ITGA9: variants seen among roughly 807,000 people sequenced by gnomAD.
The protein encoded by ITGA9 is integrin subunit alpha 9.
In ITGA9, 56 loss-of-function variants were observed where a neutral mutation model predicts 127.8. The observed-to-expected ratio is 0.44, with a 90% confidence interval of 0.35 to 0.55. The LOEUF (loss-of-function observed/expected upper bound fraction) is 0.55. Among genes scored for constraint, ITGA9 ranks in the 20% least tolerant of loss-of-function variants. The pLI is 0.00. For missense variants in ITGA9, 1,196 were observed against 1,347.1 expected (o/e 0.89, Z 1.76); for synonymous variants, 508 against 514.5 (o/e 0.99, Z 0.17).
At chr3:37,624,436 C>T (rs181190225) in intron 15 of ITGA9, among the ~76,000 whole-genome samples, 3 of 151,850 alleles carry the variant, frequency 2.0e-5, no homozygotes, top group Admixed American at 6.6e-5. Context: ...GGTGCAAGCC[C>T]TTACTCTCTT....
intron 15 of ITGA9, among the ~76,000 whole-genome samples, chr3:37,546,767 G>A (rs542714666): frequency 6.6e-6 from 1 of 152,300 alleles, no homozygotes; most frequent in East Asian, 1.9e-4. Context: ...ACTGACTGCT[G>A]GGAAGTGATG....
chr3:37,500,152 C>T (rs1175950396), intron 5 of ITGA9, among the ~76,000 whole-genome samples: 1 of 152,220 alleles, frequency 6.6e-6, no homozygotes, highest in Non-Finnish European at 1.5e-5. Context: ...AGTCTCTCCT[C>T]TGATGAACTT....
rs1425515813 is a variant in ITGA9 at position 37,593,277 on chromosome 3, G to A, written c.1690-35910G>A. On this transcript the variant is annotated intron_variant, in intron 15 of 27. Transcript: ENST00000264741. ...CAACAATGTCAATGCTATGTAAATA[G>A]TTGTTATACTGTATTTTGGGTTTTT... Among the ~76,000 whole-genome samples the A allele has an allele frequency of 2.0e-5, 3 of 152,168 alleles. 1 individual carries two copies. The highest frequency in any genetic ancestry group is 4.4e-5 in the Non-Finnish European group (3 of 68,040).
chr3:37,551,090 G>A (rs1460913783), intron 15 of ITGA9, among the ~76,000 whole-genome samples: 1 of 151,964 alleles, frequency 6.6e-6, no homozygotes, highest in Non-Finnish European at 1.5e-5. Flanking sequence ...AAGTAAATTT[G>A]TGGGGTCAGT....
chr3:37,637,572 T>C (rs1291231369), intron 16 of ITGA9, among the ~76,000 whole-genome samples: 1 of 152,214 alleles, frequency 6.6e-6, no homozygotes, highest in African/African-American at 2.4e-5. Context: ...AATCATGTCA[T>C]CTGCAAAGAG....
chr3:37,475,090 A>C (rs758141437), intron 3 of ITGA9, among the ~76,000 whole-genome samples: 4 of 152,070 alleles, frequency 2.6e-5, no homozygotes, highest in Non-Finnish European at 4.4e-5. Context: ...TCCTTTCATC[A>C]CTGTCATGGC....
intron 5 of ITGA9, 34 bp from the exon 6 acceptor site, chr3:37,503,144 C>T (rs1382437656): frequency 3.1e-6 from 5 of 1,612,754 alleles, no homozygotes; most frequent in Admixed American, 3.3e-5. Flanking sequence ...TCCTCACTTC[C>T]TTCTCTGCTT....
intron 15 of ITGA9, among the ~76,000 whole-genome samples, chr3:37,617,724 C>T (rs1700088692): frequency 6.6e-6 from 1 of 152,200 alleles, no homozygotes; most frequent in African/African-American, 2.4e-5. Flanking sequence ...GATCTTCCTT[C>T]ACTGATATCC....
chr3:37,809,852 G>A (rs1697345649), intron 27 of ITGA9, among the ~76,000 whole-genome samples: 1 of 152,140 alleles, frequency 6.6e-6, no homozygotes, highest in South Asian at 2.1e-4. Context: ...CTGACAGTAC[G>A]GTGCAGTAAC....
intron 15 of ITGA9, among the ~76,000 whole-genome samples, chr3:37,604,677 A>G (rs1699951203): frequency 6.6e-6 from 1 of 152,082 alleles, no homozygotes; most frequent in African/African-American, 2.4e-5. Flanking sequence ...TTCTTTACTC[A>G]CTGTCGAACA....
At chr3:37,536,115 G>T (rs1699205268) in intron 14 of ITGA9, among the ~76,000 whole-genome samples, 1 of 152,158 alleles carries the variant, frequency 6.6e-6, no homozygotes, top group African/African-American at 2.4e-5. Context: ...GGAAAGATGG[G>T]CACTTCCAGG....
intron 1 of ITGA9, 133 bp from the exon 2 acceptor site, chr3:37,470,874 C>A: frequency 1.1e-6 from 1 of 893,808 alleles, no homozygotes; most frequent in Non-Finnish European, 1.8e-6. Flanking sequence ...CAAGCCCACA[C>A]AGAAAAGTAT....
intron 26 of ITGA9, among the ~76,000 whole-genome samples, chr3:37,797,870 A>C (rs1176459599): frequency 3.3e-5 from 5 of 150,970 alleles, no homozygotes; most frequent in Non-Finnish European, 7.4e-5. Flanking sequence ...ATTTTTGTAG[A>C]GACGGGGTTT....
At chr3:37,800,159 C>T (rs1050186509) in intron 26 of ITGA9, among the ~76,000 whole-genome samples, 1 of 152,194 alleles carries the variant, frequency 6.6e-6, no homozygotes, top group Non-Finnish European at 1.5e-5. Context: ...GCTACTTTAA[C>T]CTCTGTGTCC....
chr3:37,512,116 CCTTCTTTCTTTTCTTTTCTTTTCT>C (rs1698928221), intron 8 of ITGA9, among the ~76,000 whole-genome samples: 5 of 66,324 alleles, frequency 7.5e-5, no homozygotes, highest in Non-Finnish European at 1.2e-4. Flanking sequence ...TTCCTTCCTT[CCTTCTTTCTTTTCTTTTCTTTTCT>C]TTTCTTTTCT....
intron 8 of ITGA9, among the ~76,000 whole-genome samples, chr3:37,512,004 TTTTCTTTTCTTTTCTTTTCTTTTC>T (rs1322630068): frequency 9.3e-4 from 39 of 41,864 alleles, no homozygotes; most frequent in African/African-American, 1.7e-3. Context: ...TTTTCTTTTC[TTTTCTTTTCTTTTCTTTTCTTTTC>T]TTTCTTTCTT....
intron 6 of ITGA9, among the ~76,000 whole-genome samples, chr3:37,505,199 G>C (rs1034519018): frequency 6.6e-5 from 10 of 152,300 alleles, no homozygotes; most frequent in Admixed American, 1.3e-4. Flanking sequence ...GAGTCTTGCT[G>C]TGTGATCTTT....
intron 1 of ITGA9, among the ~76,000 whole-genome samples, chr3:37,467,721 TG>T (rs1171863807): frequency 6.6e-6 from 1 of 152,146 alleles, no homozygotes; most frequent in Non-Finnish European, 1.5e-5. Context: ...AATTTGGAGT[TG>T]GTGGGAATTT....
intron 17 of ITGA9, among the ~76,000 whole-genome samples, chr3:37,681,833 C>T (rs549560475): frequency 2.7e-4 from 41 of 152,150 alleles, no homozygotes; most frequent in African/African-American, 6.3e-4. Flanking sequence ...CCTCCATCTC[C>T]TCACCTCTCA....
Sources: gnomAD v4.1 joint callset for allele counts (sites outside exome capture counted in the v4.1 genomes callset) on GRCh38, gnomAD v4.1.1 for gene constraint, MANE v1.5 for transcripts, NCBI Gene and HGNC (gene_info 2026-07-23, HGNC 2026-07-21) for gene names.